Variants in ADAMTSL1 observed in about 807,000 individuals in gnomAD.
The protein encoded by ADAMTSL1 is ADAMTS like 1.
In ADAMTSL1, 126 loss-of-function variants were observed where a neutral mutation model predicts 201.8. That is an observed-to-expected ratio of 0.62 (90% confidence interval 0.54 to 0.72). The LOEUF (loss-of-function observed/expected upper bound fraction) is 0.72. Among genes scored for constraint, ADAMTSL1 ranks in the 30% least tolerant of loss-of-function variants. The pLI is 0.00. For missense variants in ADAMTSL1, 2,679 were observed against 2,277.8 expected (o/e 1.18, Z -3.59); for synonymous variants, 1,121 against 903.4 (o/e 1.24, Z -4.32).
At chr9:18,445,254 C>A (rs1032249177) in intron 2 of ADAMTSL1, among the ~76,000 whole-genome samples, 1 of 152,150 alleles carries the variant, frequency 6.6e-6, no homozygotes, top group Non-Finnish European at 1.5e-5. Flanking sequence ...GAGAGCTAAA[C>A]AATCTGTCAC....
At position 18,227,687 on chromosome 9, in the gene ADAMTSL1, A is replaced by G. The variant is rs1830481779; in HGVS notation, c.207+63706A>G. On this transcript the variant is annotated intron_variant, in intron 2 of 29. Coordinates refer to the ADAMTSL1 transcript ENST00000680146. ...AATGCTCATTAGGTCCTTTCTGTCT[A>G]TTGAAGACTTAGATTAATCTCTTTG... is the stretch of plus-strand genomic sequence containing the variant. Among the ~76,000 whole-genome samples the G allele has an allele frequency of 2.0e-5, 3 of 152,254 alleles. No individual in the cohort carries two copies. The South Asian group carries it at 6.2e-4, about 32-fold the overall frequency.
At chr9:18,293,604 C>T (rs1563865245) in intron 2 of ADAMTSL1, among the ~76,000 whole-genome samples, 1 of 152,142 alleles carries the variant, frequency 6.6e-6, no homozygotes, top group Admixed American at 6.5e-5. Context: ...TTTTCTCAGG[C>T]CATACCAGAG....
intron 23 of ADAMTSL1, among the ~76,000 whole-genome samples, chr9:18,854,684 AAG>A (rs1232739415): frequency 3.9e-5 from 6 of 152,292 alleles, no homozygotes; most frequent in South Asian, 2.1e-4. Context: ...AAACGAAAGA[AAG>A]AGAGTGAATA....
chr9:18,022,606 A>G (rs1029362442), intron 1 of ADAMTSL1, among the ~76,000 whole-genome samples: 3 of 152,092 alleles, frequency 2.0e-5, no homozygotes, highest in Non-Finnish European at 4.4e-5. Context: ...TGTGATTTTT[A>G]TGTGTGTACA....
intron 2 of ADAMTSL1, among the ~76,000 whole-genome samples, chr9:18,511,037 T>C (rs909142510): frequency 1.3e-5 from 2 of 152,192 alleles, no homozygotes; most frequent in African/African-American, 4.8e-5. Flanking sequence ...AGACAGTTAA[T>C]ATAATGTGTA....
intron 26 of ADAMTSL1, among the ~76,000 whole-genome samples, chr9:18,898,180 C>T (rs989734548): frequency 3.3e-5 from 5 of 152,132 alleles, no homozygotes; most frequent in Admixed American, 3.3e-4. Context: ...CAGAGCGAGA[C>T]TCCGTCTCAA....
chr9:18,857,973 T>C (rs536882384), intron 23 of ADAMTSL1, among the ~76,000 whole-genome samples: 11 of 152,238 alleles, frequency 7.2e-5, no homozygotes, highest in Non-Finnish European at 1.5e-5. Flanking sequence ...CCCTAGAGAA[T>C]AGTATTTAGA....
intron 2 of ADAMTSL1, among the ~76,000 whole-genome samples, chr9:18,394,413 G>A (rs1484991306): frequency 3.3e-5 from 5 of 152,136 alleles, no homozygotes; most frequent in African/African-American, 1.2e-4. Context: ...TTGTTGAATG[G>A]ATATGATATT....
intron 2 of ADAMTSL1, among the ~76,000 whole-genome samples, chr9:18,259,308 TGAACCCA>T (rs1323686666): frequency 6.6e-6 from 1 of 152,042 alleles, no homozygotes; most frequent in African/African-American, 2.4e-5. Context: ...GCGGACCACT[TGAACCCA>T]GGAGTTTAAG....
intron 1 of ADAMTSL1, among the ~76,000 whole-genome samples, chr9:18,007,480 G>A (rs1388378789): frequency 6.6e-6 from 1 of 151,926 alleles, no homozygotes; most frequent in Non-Finnish European, 1.5e-5. Flanking sequence ...GAGTCATCTT[G>A]GAATAAATGT....
At chr9:18,373,684 C>T (rs921482397) in intron 2 of ADAMTSL1, among the ~76,000 whole-genome samples, 1 of 152,230 alleles carries the variant, frequency 6.6e-6, no homozygotes, top group South Asian at 2.1e-4. Context: ...CCATGCCACA[C>T]CAAAGAGTTT....
chr9:18,827,127 T>TC (rs1282325188), intron 22 of ADAMTSL1, among the ~76,000 whole-genome samples: 1 of 149,770 alleles, frequency 6.7e-6, no homozygotes, highest in Non-Finnish European at 1.5e-5. Context: ...CTGCTGTTCT[T>TC]CCCCCACTGA....
At position 18,184,362 on chromosome 9, in the gene ADAMTSL1, T is replaced by C. The variant is rs976558040; in HGVS notation, c.207+20381T>C. Reference sequence around the variant, plus strand: ...ACTGGTGGCTGCAGTGAAGGAAATATCAATTTTTCTCAAGTTTATCTAGGA... The same window carrying C: ...ACTGGTGGCTGCAGTGAAGGAAATACCAATTTTTCTCAAGTTTATCTAGGA... On this transcript the variant is annotated intron_variant, in intron 2 of 29. Transcript: ENST00000680146. 7.2e-5 allele frequency among the ~76,000 whole-genome samples: 11 copies of C among 152,184 alleles called. No homozygotes were observed. In the South Asian group the frequency reaches 2.1e-3, roughly 29 times the overall value.
Position 18,180,272 on chromosome 9 carries a change from G to C in ADAMTSL1, c.207+16291G>C, listed in dbSNP as rs1049992677. Among the ~76,000 whole-genome samples, 20 of 152,172 alleles carry C rather than the reference G, an allele frequency of 1.3e-4. 1 individual carries two copies. Among genetic ancestry groups the C allele is most frequent in the Non-Finnish European group, 2.1e-4 (14 of 68,030 alleles). ...TTTAAGGCCGGGCACGGTGGCTCAC[G>C]CCTGTAATCCCAGCACTTTGGGAGG... On this transcript the variant is annotated intron_variant, in intron 2 of 29. Coordinates refer to the ADAMTSL1 transcript ENST00000680146.
intron 23 of ADAMTSL1, among the ~76,000 whole-genome samples, chr9:18,879,170 G>A (rs1828367438): frequency 1.3e-5 from 2 of 152,172 alleles, no homozygotes; most frequent in Admixed American, 6.5e-5. Flanking sequence ...GAGAAGAGGA[G>A]GGGTGAGAAT....
chr9:18,409,779 G>A (rs562017316), intron 2 of ADAMTSL1, among the ~76,000 whole-genome samples: 3 of 149,724 alleles, frequency 2.0e-5, no homozygotes, highest in Admixed American at 6.6e-5. Flanking sequence ...ATACATACAT[G>A]TTATGACTCT....
chr9:18,309,019 G>C (rs1238409799), intron 2 of ADAMTSL1, among the ~76,000 whole-genome samples: 2 of 152,128 alleles, frequency 1.3e-5, no homozygotes, highest in Non-Finnish European at 2.9e-5. Context: ...TGGGATGCAA[G>C]GCTTGTTCCA....
At chr9:18,896,171 T>C (rs373124076) in intron 26 of ADAMTSL1, among the ~76,000 whole-genome samples, 1 of 152,178 alleles carries the variant, frequency 6.6e-6, no homozygotes, top group African/African-American at 2.4e-5. Flanking sequence ...GCAGAAATAA[T>C]GGCCAAAAAC....
chr9:17,984,275 G>C (rs1239018873), intron 1 of ADAMTSL1, among the ~76,000 whole-genome samples: 2 of 151,912 alleles, frequency 1.3e-5, no homozygotes, highest in Admixed American at 6.6e-5. Flanking sequence ...CATACTCTCA[G>C]CACCCAGATT....
Sources: gnomAD v4.1 joint callset for allele counts (sites outside exome capture counted in the v4.1 genomes callset) on GRCh38, gnomAD v4.1.1 for gene constraint, MANE v1.5 for transcripts, NCBI Gene and HGNC (gene_info 2026-07-23, HGNC 2026-07-21) for gene names.